TAFA1: variants seen among roughly 807,000 people sequenced by gnomAD.
TAFA1 encodes the protein chemokine-like protein TAFA-1.
TAFA1 carries 4 observed loss-of-function variants against 18.5 expected under a neutral mutation model. The ratio of observed to expected loss-of-function variants is 0.22; its 90% CI spans 0.11 to 0.49. The LOEUF (loss-of-function observed/expected upper bound fraction) is 0.49, where lower values mean the gene tolerates loss of function less well. TAFA1 is among the 20% of genes least tolerant of loss of function. The pLI is 0.98. For synonymous variants in TAFA1, 56 were observed against 55.2 expected (o/e 1.01, Z -0.06); for missense variants, 147 against 169.0 (o/e 0.87, Z 0.72).
At position 68,005,726 on chromosome 3, in the gene TAFA1, G is replaced by C. The variant is rs140810507; in HGVS notation, c.-3-898G>C. On this transcript the variant is annotated intron_variant, in intron 1 of 4. Coordinates refer to ENST00000478136, the MANE Select transcript of TAFA1 (RefSeq NM_213609.4). The stretch of plus-strand genomic sequence containing the variant: ...TGTAGAAAATGCTTCCCTATCACTG[G>C]CTGAGTAAGGACGGTGCTTCAAGTT... 3.6e-3 allele frequency among the ~76,000 whole-genome samples: 553 copies of C among 152,240 alleles called. 6 individuals are homozygous for C. Among genetic ancestry groups the C allele is most frequent in the African/African-American group, 0.013 (533 of 41,544 alleles).
At chr3:68,214,217 CT>C (rs1413650517) in intron 2 of TAFA1, among the ~76,000 whole-genome samples, 2 of 152,048 alleles carry the variant, frequency 1.3e-5, no homozygotes, top group Non-Finnish European at 2.9e-5. Context: ...TTTGTCTGTC[CT>C]TTTCATGCTT....
chr3:68,352,881 T>C lies in TAFA1; in HGVS notation c.119-64399T>C, dbSNP rs116993905. The stretch of plus-strand genomic sequence containing the variant: ...GAGGATGACCTAGAGCCCACATCTG[T>C]CATTTACCTCCTCTACCTATGATGA... On this transcript the variant is annotated intron_variant, in intron 2 of 4. Transcript: ENST00000478136. Among the ~76,000 whole-genome samples, 172 of 152,112 alleles carry C rather than the reference T, an allele frequency of 1.1e-3. 4 individuals carry two copies. The East Asian group carries it at 0.028, about 24-fold the overall frequency.
At chr3:68,140,741 C>CA (rs1269458334) in intron 2 of TAFA1, among the ~76,000 whole-genome samples, 15 of 152,144 alleles carry the variant, frequency 9.9e-5, no homozygotes, top group African/African-American at 2.9e-4. Flanking sequence ...TACTCAGTGG[C>CA]AATAGTCAGT....
chr3:68,047,612 A>G (rs1296850803), intron 2 of TAFA1, among the ~76,000 whole-genome samples: 1 of 152,122 alleles, frequency 6.6e-6, no homozygotes, highest in African/African-American at 2.4e-5. Context: ...GATTGGTTAC[A>G]CTATTTGGCT....
intron 3 of TAFA1, among the ~76,000 whole-genome samples, chr3:68,445,418 T>C (rs1261208790): frequency 6.6e-6 from 1 of 152,158 alleles, no homozygotes; most frequent in African/African-American, 2.4e-5. Context: ...TTGTTTTAAT[T>C]AGTCGACAAA....
intron 3 of TAFA1, among the ~76,000 whole-genome samples, chr3:68,506,812 T>C (rs1236023096): frequency 1.5e-5 from 2 of 133,062 alleles, no homozygotes; most frequent in Non-Finnish European, 3.2e-5. Context: ...CTTTTCAAAA[T>C]GACTAAAATA....
intron 3 of TAFA1, among the ~76,000 whole-genome samples, chr3:68,522,468 A>G (rs1236737738): frequency 6.6e-6 from 1 of 152,210 alleles, no homozygotes; most frequent in East Asian, 1.9e-4. Flanking sequence ...ACTGAAGCAG[A>G]AAAAGAAAGG....
At chr3:68,093,917 C>G (rs1443661724) in intron 2 of TAFA1, among the ~76,000 whole-genome samples, 2 of 152,064 alleles carry the variant, frequency 1.3e-5, no homozygotes, top group African/African-American at 4.8e-5. Flanking sequence ...ATCTAGTCAC[C>G]AGGCCTGTCT....
upstream of TAFA1, among the ~76,000 whole-genome samples, chr3:68,001,083 A>T (rs898109145): frequency 1.2e-4 from 18 of 152,320 alleles, no homozygotes; most frequent in African/African-American, 4.1e-4. Context: ...ATCCTTGCAA[A>T]AAAAAGAGAC....
intron 2 of TAFA1, among the ~76,000 whole-genome samples, chr3:68,050,226 A>T (rs1384337909): frequency 1.3e-5 from 2 of 152,172 alleles, no homozygotes; most frequent in South Asian, 2.1e-4. Context: ...CCATTGAAGG[A>T]TGTATTAGTA....
At chr3:68,117,685 A>T (rs1032045852) in intron 2 of TAFA1, among the ~76,000 whole-genome samples, 8 of 152,226 alleles carry the variant, frequency 5.3e-5, no homozygotes, top group Admixed American at 2.0e-4. Flanking sequence ...TGCTTTATAA[A>T]TAGGGAACAC....
intron 2 of TAFA1, among the ~76,000 whole-genome samples, chr3:68,350,435 T>C (rs1346531478): frequency 6.6e-6 from 1 of 152,134 alleles, no homozygotes; most frequent in Non-Finnish European, 1.5e-5. Flanking sequence ...CTTTTTGCAG[T>C]AGAATCATGA....
chr3:68,455,747 C>T (rs1197223829), intron 3 of TAFA1, among the ~76,000 whole-genome samples: 1 of 152,096 alleles, frequency 6.6e-6, no homozygotes, highest in Non-Finnish European at 1.5e-5. Flanking sequence ...TATCTGGATA[C>T]ATTATACATT....
rs939084939 is a variant in TAFA1 at position 68,042,280 on chromosome 3, C to T, written c.118+35536C>T. On this transcript the variant is annotated intron_variant, in intron 2 of 4. Transcript: ENST00000478136. ...GTGTTTGAGACATAATAATTCTTTA[C>T]ATTTGTCTAGTGATTACATCCTTGT... is the stretch of plus-strand genomic sequence containing the variant. Among the ~76,000 whole-genome samples, 14 of 152,238 alleles carry T rather than the reference C, an allele frequency of 9.2e-5. 2 individuals are homozygous for T. In the South Asian group the frequency reaches 2.9e-3, roughly 32 times the overall value.
chr3:68,282,432 C>A (rs1250946587), intron 2 of TAFA1, among the ~76,000 whole-genome samples: 1 of 151,840 alleles, frequency 6.6e-6, no homozygotes, highest in Non-Finnish European at 1.5e-5. Flanking sequence ...AAAAAAAAAT[C>A]TCTAAGTAAC....
At chr3:68,126,384 C>G (rs1217942402) in intron 2 of TAFA1, among the ~76,000 whole-genome samples, 1 of 152,124 alleles carries the variant, frequency 6.6e-6, no homozygotes, top group African/African-American at 2.4e-5. Context: ...AAATGTGGCA[C>G]CAGCAATGTG....
chr3:68,512,908 C>T (rs2072870906), intron 3 of TAFA1, among the ~76,000 whole-genome samples: 1 of 152,048 alleles, frequency 6.6e-6, no homozygotes, highest in South Asian at 2.1e-4. Flanking sequence ...TTGTCCATCT[C>T]CACCTTTGTA....
intron 2 of TAFA1, chr3:68,247,574 G>A (rs907485745): frequency 2.6e-4 from 39 of 152,290 alleles, no homozygotes; most frequent in African/African-American, 9.4e-4. Flanking sequence ...AGGGCTGTAA[G>A]GGTGGCCGTA....
chr3:68,326,071 C>G (rs892241635), intron 2 of TAFA1, among the ~76,000 whole-genome samples: 1 of 152,144 alleles, frequency 6.6e-6, no homozygotes, highest in African/African-American at 2.4e-5. Flanking sequence ...AGAATTCAAA[C>G]AAATGGCAAT....
Sources: allele counts gnomAD v4.1 joint callset (sites outside exome capture counted in the v4.1 genomes callset), GRCh38; gene constraint gnomAD v4.1.1; transcripts MANE v1.5; gene names NCBI Gene and HGNC (gene_info 2026-07-23, HGNC 2026-07-21).